Variants in IL7 observed in about 807,000 individuals in gnomAD.
IL7 encodes interleukin 7.
In IL7, 3 loss-of-function variants were observed where a neutral mutation model predicts 21.6. That is an observed-to-expected ratio of 0.14 (90% CI 0.06 to 0.36). IL7 has a LOEUF of 0.36. IL7 is among the 10% of genes least tolerant of loss of function. The pLI is 1.00. For missense variants in IL7, 175 were observed against 200.2 expected, an observed-to-expected ratio of 0.87 and a Z score of 0.76; for synonymous variants, 62 against 68.1, an observed-to-expected ratio of 0.91 and a Z score of 0.44.
intron 2 of IL7, among the ~76,000 whole-genome samples, chr8:78,770,283 A>G (rs998281363): frequency 6.6e-6 from 1 of 152,186 alleles, no homozygotes; most frequent in Non-Finnish European, 1.5e-5. Flanking sequence ...GCCTGGGTCT[A>G]AGACTGTGAA....
intron 3 of IL7, chr8:78,697,349 C>T (rs912619962): frequency 1.4e-6 from 2 of 1,392,090 alleles, no homozygotes; most frequent in Admixed American, 2.2e-5. Flanking sequence ...TGAACCACTA[C>T]TTTACAATCC....
chr8:78,719,224 T>A (rs1219998777), intron 5 of IL7: 1 of 88,048 alleles, frequency 1.1e-5, no homozygotes, highest in Admixed American at 1.4e-4. Context: ...GCACTGTTTT[T>A]TTGTCAAGTA....
At chr8:78,800,071 C>T (rs1351395283) in intron 1 of IL7, among the ~76,000 whole-genome samples, 1 of 152,114 alleles carries the variant, frequency 6.6e-6, no homozygotes, top group Non-Finnish European at 1.5e-5. Context: ...CCTTATCCCC[C>T]TCCTACTCTC....
At chr8:78,688,970 GTTT>G (rs990557761) in intron 3 of IL7, among the ~76,000 whole-genome samples, 1 of 148,566 alleles carries the variant, frequency 6.7e-6, no homozygotes, top group Non-Finnish European at 1.5e-5. Context: ...TTTATCTTTT[GTTT>G]TTTTTCCTTC....
At chr8:78,713,394 T>A (rs375852160), downstream of IL7, among the ~76,000 whole-genome samples, 400 of 152,230 alleles carry the variant, frequency 2.6e-3, 3 homozygotes, top group Admixed American at 6.6e-3. Flanking sequence ...ATGGTGACAT[T>A]ATGTGTATAT....
intron 3 of IL7, among the ~76,000 whole-genome samples, chr8:78,694,411 G>C (rs1810330261): frequency 6.6e-6 from 1 of 151,888 alleles, no homozygotes; most frequent in African/African-American, 2.4e-5. Flanking sequence ...CAGAGAAGAT[G>C]TGTGCTGTGC....
chr8:78,742,634 A>G (rs1563416365), intron 2 of IL7, among the ~76,000 whole-genome samples: 1 of 152,106 alleles, frequency 6.6e-6, no homozygotes, highest in Non-Finnish European at 1.5e-5. Context: ...ATTTGACTAT[A>G]TTTTATCTTT....
intron 4 of IL7, among the ~76,000 whole-genome samples, chr8:78,680,143 G>T (rs1266315549): frequency 6.6e-6 from 1 of 152,070 alleles, no homozygotes; most frequent in East Asian, 1.9e-4. Flanking sequence ...GATTACATAA[G>T]ATTATCCATG....
intron 2 of IL7, among the ~76,000 whole-genome samples, chr8:78,781,954 T>G (rs558451677): frequency 6.6e-5 from 10 of 152,172 alleles, no homozygotes; most frequent in Non-Finnish European, 1.3e-4. Flanking sequence ...GTGTCTTATT[T>G]CAGCAAGATA....
downstream of IL7, among the ~76,000 whole-genome samples, chr8:78,716,314 G>A (rs1372899444): frequency 4.6e-5 from 7 of 151,372 alleles, no homozygotes; most frequent in East Asian, 4.0e-4. Context: ...TATTAGAGAC[G>A]GGGTTTCACC....
intron 2 of IL7, among the ~76,000 whole-genome samples, chr8:78,744,342 T>A (rs1048207969): frequency 6.6e-6 from 1 of 152,096 alleles, no homozygotes; most frequent in Admixed American, 6.5e-5. Flanking sequence ...CTCAGGGACC[T>A]GCTTAAAGAA....
chr8:78,790,006 A>G (rs778800456), intron 2 of IL7, among the ~76,000 whole-genome samples: 19 of 152,152 alleles, frequency 1.2e-4, no homozygotes, highest in Non-Finnish European at 1.9e-4. Context: ...TAATGGGAGA[A>G]ATGTAGACCT....
At chr8:78,689,728 A>G (rs908034424) in intron 3 of IL7, among the ~76,000 whole-genome samples, 2 of 152,086 alleles carry the variant, frequency 1.3e-5, no homozygotes, top group Admixed American at 1.3e-4. Context: ...TCTCAGATGT[A>G]TATTAAGAAT....
rs1045290765 is a variant in IL7 at position 78,760,345 on chromosome 8, C to G, written c.148-20263G>C. ...CGCTTTCATCCATTTTCATACCGCT[C>G]ATTCTCAACCTTCATCACAGAAGAA... On this transcript the variant is annotated intron_variant, in intron 2 of 5. Coordinates refer to ENST00000263851, the MANE Select transcript of IL7 (RefSeq NM_000880.4). 7.5e-6 allele frequency: 12 copies of G among 1,610,176 alleles called. No homozygotes were observed. The African/African-American group carries it at 1.6e-4, about 22-fold the overall frequency.
intron 3 of IL7, among the ~76,000 whole-genome samples, chr8:78,708,726 G>A (rs1216030833): frequency 1.3e-5 from 2 of 149,370 alleles, no homozygotes; most frequent in African/African-American, 4.9e-5. Flanking sequence ...TGTTGCCCAG[G>A]CTGGAGTGCA....
chr8:78,770,029 A>T (rs1013256829), intron 2 of IL7, among the ~76,000 whole-genome samples: 4 of 152,126 alleles, frequency 2.6e-5, no homozygotes, highest in South Asian at 2.1e-4. Context: ...GATACAAAAA[A>T]TAATTCAAGA....
chr8:78,729,968 T>C (rs1052243372), downstream of IL7, among the ~76,000 whole-genome samples: 3 of 151,926 alleles, frequency 2.0e-5, no homozygotes, highest in Non-Finnish European at 4.4e-5. Flanking sequence ...GAAGGAATGA[T>C]CAGTTCCACC....
downstream of IL7, among the ~76,000 whole-genome samples, chr8:78,729,704 C>T (rs1459675169): frequency 6.6e-6 from 1 of 151,934 alleles, no homozygotes; most frequent in Non-Finnish European, 1.5e-5. Flanking sequence ...ATTGGATGCT[C>T]CTCAAGCTGA....
chr8:78,717,652 A>G, downstream of IL7: 5 of 690,400 alleles, frequency 7.2e-6, no homozygotes, highest in Middle Eastern at 4.2e-4. Flanking sequence ...TAATGTGTGT[A>G]TGTTTATATG....
Sources: gnomAD v4.1 joint callset for allele counts (sites outside exome capture counted in the v4.1 genomes callset) on GRCh38, gnomAD v4.1.1 for gene constraint, MANE v1.5 for transcripts, NCBI Gene and HGNC (gene_info 2026-07-23, HGNC 2026-07-21) for gene names.